The following EPS15 variants were observed in gnomAD, a reference collection of about 807,000 sequenced individuals.
EPS15 encodes epidermal growth factor receptor pathway substrate 15, also known as epidermal growth factor receptor substrate 15.
Under a neutral mutation model 113.8 loss-of-function variants are expected in EPS15, and 72 were observed. The observed-to-expected ratio is 0.63, with a 90% CI of 0.52 to 0.77. The LOEUF (loss-of-function observed/expected upper bound fraction) is 0.77, where lower values mean the gene tolerates loss of function less well. Among genes scored for constraint, EPS15 ranks in the 30% least tolerant of loss-of-function variants. The pLI is 0.00. For missense variants in EPS15, 1,048 were observed against 1,045.8 expected, an observed-to-expected ratio of 1.00 and a Z score of -0.03; for synonymous variants, 344 against 363.4, an observed-to-expected ratio of 0.95 and a Z score of 0.61.
intron 13 of EPS15, among the ~76,000 whole-genome samples, chr1:51,415,395 G>C (rs1371618849): frequency 2.6e-5 from 4 of 152,252 alleles, no homozygotes; most frequent in Middle Eastern, 3.4e-3. Context: ...AGGTTACTGA[G>C]GAAATACCTA....
chr1:51,356,829 A>G lies in EPS15; in HGVS notation c.2562T>C (p.Asp854=). ...TTTCCCTCTTGGCCCATTCGATCAT[A>G]TCTTCTTCAGAGGGATACTGCCATT... ...ANFSAYPSEE[D]MIEWAKRESE... Residue 854 remains aspartate (D), a synonymous_variant, in exon 25 of 25, where the codon GAT becomes GAC. Coordinates refer to ENST00000371733, the MANE Select transcript of EPS15 (RefSeq NM_001981.3). 6.2e-7 allele frequency: 1 copy of G among 1,613,134 alleles called. No individual in the cohort carries two copies. Among genetic ancestry groups the G allele is most frequent in the Non-Finnish European group, 8.5e-7 (1 of 1,179,618 alleles).
chr1:51,418,837 A>G (rs959273131), intron 13 of EPS15, among the ~76,000 whole-genome samples: 2 of 152,166 alleles, frequency 1.3e-5, no homozygotes, highest in Non-Finnish European at 2.9e-5. Flanking sequence ...AGAGGAAACT[A>G]AAGTATAGAA....
chr1:51,459,412 G>A (rs975442465), intron 8 of EPS15, among the ~76,000 whole-genome samples: 4 of 152,200 alleles, frequency 2.6e-5, no homozygotes, highest in African/African-American at 4.8e-5. Context: ...CGGGAGAATC[G>A]TCGAACTTGG....
chr1:51,480,580 T>A (rs1644002804), intron 2 of EPS15, among the ~76,000 whole-genome samples: 2 of 152,232 alleles, frequency 1.3e-5, no homozygotes, highest in African/African-American at 4.8e-5. Flanking sequence ...AATGGCACGA[T>A]CTTGGCTCAC....
chr1:51,508,292 G>GAGAGAA (rs1644546178), intron 1 of EPS15, among the ~76,000 whole-genome samples: 2 of 134,348 alleles, frequency 1.5e-5, no homozygotes, highest in African/African-American at 2.9e-5. Context: ...AAGAGAGAAA[G>GAGAGAA]AGAGAGAGAG....
chr1:51,450,132 G>T (rs1653418246), intron 8 of EPS15, among the ~76,000 whole-genome samples: 1 of 151,688 alleles, frequency 6.6e-6, no homozygotes, highest in South Asian at 2.1e-4. Flanking sequence ...TTGGGCTTCA[G>T]CTAGCTGTGG....
rs1255747899 is a variant in EPS15 at position 51,389,114 on chromosome 1, T to C, written c.2119+5267A>G. Reference sequence around the variant, plus strand: ...ATCCAGCAGCACATCAAAAAGCTTATCCACCATGATCAAGTGGGCTTCATC... The same window carrying C: ...ATCCAGCAGCACATCAAAAAGCTTACCCACCATGATCAAGTGGGCTTCATC... On this transcript the variant is annotated intron_variant, in intron 21 of 24. Transcript: ENST00000371733. 2.6e-5 allele frequency among the ~76,000 whole-genome samples: 4 copies of C among 152,168 alleles called. No individual in the cohort carries two copies. The East Asian group carries it at 7.7e-4, about 29-fold the overall frequency.
chr1:51,440,204 A>G, intron 12 of EPS15, 143 bp downstream of exon 12: 1 of 404,406 alleles, frequency 2.5e-6, no homozygotes, highest in South Asian at 8.6e-5. Flanking sequence ...AATATTAGGT[A>G]GCATTTATCA....
At chr1:51,462,058 A>G (rs1394477277) in intron 7 of EPS15, 1 of 152,230 alleles carries the variant, frequency 6.6e-6, no homozygotes, top group African/African-American at 2.4e-5. Flanking sequence ...TAATCTGCTG[A>G]AGCAGGTAAT....
rs571805903 is a variant in EPS15 at position 51,464,942 on chromosome 1, TAC to T, written c.375+317_375+318del. 2.1e-3 allele frequency among the ~76,000 whole-genome samples: 317 copies of T among 152,298 alleles called. 3 individuals carry two copies. The highest frequency in any genetic ancestry group is 7.4e-3 in the African/African-American group (307 of 41,570). On this transcript the variant is annotated intron_variant, in intron 6 of 24. Transcript: ENST00000371733. The stretch of plus-strand genomic sequence containing the variant: ...GTTTGTTTTAGAGTCATCTAGAAAA[TAC>T]ATAGTTAACCAGAATTTTCAAGTAA...
At chr1:51,446,237 G>C (rs1453450879) in intron 10 of EPS15, among the ~76,000 whole-genome samples, 1 of 152,048 alleles carries the variant, frequency 6.6e-6, no homozygotes, top group African/African-American at 2.4e-5. Flanking sequence ...AAGACACTAG[G>C]GTTTGCCTTT....
At chr1:51,381,230 C>T (rs1223239198) in intron 21 of EPS15, among the ~76,000 whole-genome samples, 1 of 152,198 alleles carries the variant, frequency 6.6e-6, no homozygotes, top group Non-Finnish European at 1.5e-5. Context: ...ATCTAATGTT[C>T]TCCAAGACAG....
intron 18 of EPS15, chr1:51,401,190 A>C (rs1648517644): frequency 2.7e-6 from 1 of 375,014 alleles, no homozygotes; most frequent in African/African-American, 2.1e-5. Context: ...AAATTTTACT[A>C]ACAAAATCTC....
intron 1 of EPS15, among the ~76,000 whole-genome samples, chr1:51,485,738 T>C (rs1644107721): frequency 1.3e-5 from 2 of 152,216 alleles, no homozygotes; most frequent in Admixed American, 6.5e-5. Flanking sequence ...GTTCAAATAG[T>C]ACACGAGATT....
chr1:51,515,877 T>A (rs1428697744), intron 1 of EPS15, among the ~76,000 whole-genome samples: 1 of 152,258 alleles, frequency 6.6e-6, no homozygotes, highest in Non-Finnish European at 1.5e-5. Context: ...TTCTCTAATT[T>A]GTAAAACATA....
At chr1:51,446,711 T>TC (rs1230876436) in intron 10 of EPS15, among the ~76,000 whole-genome samples, 1 of 152,118 alleles carries the variant, frequency 6.6e-6, no homozygotes, top group Non-Finnish European at 1.5e-5. Context: ...CACCTCGGCC[T>TC]CCCAAAGTGC....
chr1:51,419,091 A>C (rs78921130), intron 13 of EPS15, among the ~76,000 whole-genome samples: 6,382 of 152,254 alleles, frequency 0.042, 203 homozygotes, highest in Middle Eastern at 0.11. Flanking sequence ...TATGAAAAAC[A>C]AAACAAAAAA....
intron 8 of EPS15, among the ~76,000 whole-genome samples, chr1:51,452,485 C>A (rs1309937730): frequency 6.6e-6 from 1 of 151,978 alleles, no homozygotes; most frequent in Non-Finnish European, 1.5e-5. Flanking sequence ...GGTCTCACTA[C>A]GTTGCTCAGG....
At chr1:51,497,838 A>G (rs868118720) in intron 1 of EPS15, among the ~76,000 whole-genome samples, 2 of 151,978 alleles carry the variant, frequency 1.3e-5, no homozygotes, top group African/African-American at 2.4e-5. Context: ...TTCGCTGGGC[A>G]TGGTGGTGCG....
Sources: gnomAD v4.1 joint callset for allele counts (sites outside exome capture counted in the v4.1 genomes callset) on GRCh38, gnomAD v4.1.1 for gene constraint, MANE v1.5 for transcripts, NCBI Gene and HGNC (gene_info 2026-07-23, HGNC 2026-07-21) for gene names.